RBFOX1: variants seen among roughly 807,000 people sequenced by gnomAD.
RBFOX1 encodes RNA binding fox-1 homolog 1.
Under a neutral mutation model 57.7 loss-of-function variants are expected in RBFOX1, and 8 were observed. That is an observed-to-expected ratio of 0.14 (90% CI 0.08 to 0.25). RBFOX1 has a LOEUF of 0.25. Among genes scored for constraint, RBFOX1 ranks in the 10% least tolerant of loss-of-function variants. RBFOX1 has a pLI of 1.00. For synonymous variants in RBFOX1, 326 were observed against 222.4 expected (o/e 1.47, Z -4.15); for missense variants, 611 against 548.5 (o/e 1.11, Z -1.14).
At chr16:7,502,505 C>T (rs74668995) in intron 4 of RBFOX1, among the ~76,000 whole-genome samples, 8,047 of 152,210 alleles carry the variant, frequency 0.053, 310 homozygotes, top group East Asian at 0.14. Context: ...ACTATGTTTA[C>T]GTACCCAGCT....
At chr16:6,531,632 T>A (rs973750331) in intron 2 of RBFOX1, among the ~76,000 whole-genome samples, 4 of 152,332 alleles carry the variant, frequency 2.6e-5, no homozygotes, top group African/African-American at 7.2e-5. Context: ...AGTGTACGAA[T>A]GACCCATTCT....
intron 1 of RBFOX1, among the ~76,000 whole-genome samples, chr16:5,291,565 G>A (rs1484653989): frequency 1.3e-5 from 2 of 152,158 alleles, no homozygotes; most frequent in Non-Finnish European, 2.9e-5. Context: ...GCCTGGCCGA[G>A]CTTTTATCAT....
intron 1 of RBFOX1, among the ~76,000 whole-genome samples, chr16:5,457,626 G>A (rs189945209): frequency 6.6e-6 from 1 of 152,266 alleles, no homozygotes; most frequent in African/African-American, 2.4e-5. Context: ...TCTGCATGGA[G>A]CACTCTTTCT....
At chr16:7,535,499 A>G (rs1468494128) in intron 5 of RBFOX1, among the ~76,000 whole-genome samples, 1 of 152,228 alleles carries the variant, frequency 6.6e-6, no homozygotes, top group Admixed American at 6.5e-5. Context: ...TCAGGAAGGA[A>G]GCTAGATACA....
At chr16:5,776,044 T>C (rs2054137070) in intron 3 of RBFOX1, among the ~76,000 whole-genome samples, 1 of 115,886 alleles carries the variant, frequency 8.6e-6, no homozygotes, top group South Asian at 2.7e-4. Context: ...TGAATCTTAA[T>C]AAAAAATGGA....
chr16:6,722,703 T>C (rs1275904798), intron 3 of RBFOX1, among the ~76,000 whole-genome samples: 1 of 152,196 alleles, frequency 6.6e-6, no homozygotes, highest in East Asian at 1.9e-4. Context: ...GCACAACCCA[T>C]AATTAAATGA....
chr16:5,386,498 TC>T (rs1322840977), intron 1 of RBFOX1, among the ~76,000 whole-genome samples: 3 of 152,016 alleles, frequency 2.0e-5, no homozygotes, highest in African/African-American at 4.8e-5. Flanking sequence ...TTTTCTGCTT[TC>T]CCCCCGTAAA....
At chr16:6,487,718 T>A (rs1283216572) in intron 2 of RBFOX1, among the ~76,000 whole-genome samples, 22 of 13,356 alleles carry the variant, frequency 1.6e-3, no homozygotes, top group African/African-American at 4.0e-3. Context: ...TATATATATA[T>A]ATATATATAT....
At chr16:5,895,485 T>G (rs1394137849) in intron 4 of RBFOX1, among the ~76,000 whole-genome samples, 1 of 152,202 alleles carries the variant, frequency 6.6e-6, no homozygotes, top group Non-Finnish European at 1.5e-5. Context: ...GTGATTGAAA[T>G]ACCAGTGCCA....
chr16:7,020,903 A>C (rs2038817339), intron 3 of RBFOX1, among the ~76,000 whole-genome samples: 2 of 152,126 alleles, frequency 1.3e-5, no homozygotes, highest in South Asian at 4.1e-4. Context: ...AAGACAGGCA[A>C]ATCGCTTGAG....
intron 2 of RBFOX1, among the ~76,000 whole-genome samples, chr16:6,575,796 G>A (rs2097425359): frequency 1.3e-5 from 2 of 151,446 alleles, no homozygotes; most frequent in South Asian, 4.2e-4. Context: ...GGTGGAGGTT[G>A]TAGTTAGCCA....
intron 4 of RBFOX1, among the ~76,000 whole-genome samples, chr16:7,341,384 A>C (rs963985622): frequency 6.6e-6 from 1 of 152,218 alleles, no homozygotes; most frequent in East Asian, 1.9e-4. Context: ...ATGATTTATC[A>C]ATCATAGATT....
chr16:7,200,492 G>T (rs546027786), intron 4 of RBFOX1, among the ~76,000 whole-genome samples: 169 of 152,298 alleles, frequency 1.1e-3, no homozygotes, highest in African/African-American at 3.9e-3. Flanking sequence ...AGGCACTAAG[G>T]ATGATGTTGC....
At chr16:7,369,204 C>A (rs13338363) in intron 4 of RBFOX1, among the ~76,000 whole-genome samples, 1 of 151,774 alleles carries the variant, frequency 6.6e-6, no homozygotes, top group East Asian at 2.0e-4. Flanking sequence ...CCACCTTCCC[C>A]CAGCCCAATA....
At chr16:5,962,561 C>A (rs2059770469) in intron 4 of RBFOX1, among the ~76,000 whole-genome samples, 1 of 152,158 alleles carries the variant, frequency 6.6e-6, no homozygotes, top group South Asian at 2.1e-4. Flanking sequence ...GTCTAAATCT[C>A]ATGTCTCCTT....
intron 5 of RBFOX1, among the ~76,000 whole-genome samples, chr16:7,554,020 G>A (rs2087477882): frequency 6.6e-6 from 1 of 152,140 alleles, no homozygotes; most frequent in African/African-American, 2.4e-5. Context: ...GCAGTGAGGG[G>A]ATCGCTTGAG....
At chr16:6,218,548 G>T (rs949826248) in intron 1 of RBFOX1, among the ~76,000 whole-genome samples, 1 of 152,084 alleles carries the variant, frequency 6.6e-6, no homozygotes, top group Non-Finnish European at 1.5e-5. Flanking sequence ...GGCCTCAAGT[G>T]ATCCTCCCAC....
intron 2 of RBFOX1, among the ~76,000 whole-genome samples, chr16:6,497,367 C>T (rs1836941719): frequency 6.6e-6 from 1 of 152,104 alleles, no homozygotes. Flanking sequence ...CCTCCACAGA[C>T]TTTCTCTAAA....
chr16:7,352,422 G>A (rs192181026), intron 4 of RBFOX1, among the ~76,000 whole-genome samples: 1 of 152,238 alleles, frequency 6.6e-6, no homozygotes, highest in African/African-American at 2.4e-5. Context: ...GCTGTTGTGG[G>A]AATGCGTAGC....
Sources: gnomAD v4.1 joint callset for allele counts (sites outside exome capture counted in the v4.1 genomes callset) on GRCh38, gnomAD v4.1.1 for gene constraint, MANE v1.5 for transcripts, NCBI Gene and HGNC (gene_info 2026-07-23, HGNC 2026-07-21) for gene names.